DAW1: variants seen among roughly 807,000 people sequenced by gnomAD.
The protein encoded by DAW1 is dynein assembly factor with WD repeat domains 1.
DAW1 carries 47 observed loss-of-function variants against 56.5 expected under a neutral mutation model. The ratio of observed to expected loss-of-function variants is 0.83; its 90% confidence interval spans 0.66 to 1.06. DAW1 has a LOEUF of 1.06. DAW1 is among the 50% of genes least tolerant of loss of function. The pLI, the probability that DAW1 is intolerant of heterozygous loss-of-function variation, is 0.00. For synonymous variants in DAW1, 190 were observed against 179.0 expected (o/e 1.06, Z -0.49); for missense variants, 505 against 499.3 (o/e 1.01, Z -0.11).
At chr2:227,917,538 G>A (rs551554385) in intron 10 of DAW1, among the ~76,000 whole-genome samples, 1 of 151,856 alleles carries the variant, frequency 6.6e-6, no homozygotes, top group South Asian at 2.1e-4. Flanking sequence ...GGGATTACAG[G>A]CATGAGCCAC....
chr2:227,898,706 T>C lies in DAW1; in HGVS notation c.540+425T>C, dbSNP rs1300370518. Among the ~76,000 whole-genome samples the C allele has an allele frequency of 2.6e-5, 4 of 152,296 alleles. No individual in the cohort carries two copies. The East Asian group carries it at 7.7e-4, about 29-fold the overall frequency. On this transcript the variant is annotated intron_variant, in intron 6 of 12. Transcript: ENST00000309931. ...ACTTTTATAATTAATTTTCAAATTC[T>C]ACCCCATGTTTTTAGTCTGCCTATA...
chr2:227,915,883 A>T (rs1219233346), intron 10 of DAW1, among the ~76,000 whole-genome samples: 3 of 152,122 alleles, frequency 2.0e-5, no homozygotes, highest in African/African-American at 7.2e-5. Flanking sequence ...TGTCCTTGAA[A>T]ATTCCTTATG....
At chr2:227,909,542 C>G (rs1691769955) in intron 10 of DAW1, among the ~76,000 whole-genome samples, 1 of 151,826 alleles carries the variant, frequency 6.6e-6, no homozygotes, top group Admixed American at 6.6e-5. Context: ...TTGCCATATG[C>G]CATCTGCAAG....
chr2:227,884,506 CA>C (rs1288597224), intron 1 of DAW1, among the ~76,000 whole-genome samples: 4 of 152,180 alleles, frequency 2.6e-5, no homozygotes, highest in Non-Finnish European at 5.9e-5. Context: ...GCGTTGGTTA[CA>C]ATGGTGTCTG....
intron 11 of DAW1, among the ~76,000 whole-genome samples, chr2:227,920,651 A>T (rs1480124617): frequency 6.6e-6 from 1 of 152,046 alleles, no homozygotes; most frequent in Non-Finnish European, 1.5e-5. Context: ...TGTGCTTTTT[A>T]AAAAATTTTT....
At chr2:227,921,820 C>T (rs1245941332) in intron 12 of DAW1, among the ~76,000 whole-genome samples, 1 of 152,166 alleles carries the variant, frequency 6.6e-6, no homozygotes, top group Non-Finnish European at 1.5e-5. Context: ...ATTTGATAGC[C>T]TGCCTTACAG....
intron 2 of DAW1, among the ~76,000 whole-genome samples, chr2:227,889,209 GT>G (rs1226622569): frequency 6.6e-6 from 1 of 152,146 alleles, no homozygotes; most frequent in African/African-American, 2.4e-5. Context: ...GCCTTCCTAG[GT>G]GTCTTCATTC....
chr2:227,882,438 A>G (rs1323886613), intron 1 of DAW1, among the ~76,000 whole-genome samples: 1 of 152,214 alleles, frequency 6.6e-6, no homozygotes, highest in Non-Finnish European at 1.5e-5. Flanking sequence ...CAATAGGAAA[A>G]CATCAAAAAA....
chr2:227,911,315 T>C (rs985728618), intron 10 of DAW1, among the ~76,000 whole-genome samples: 12 of 146,706 alleles, frequency 8.2e-5, no homozygotes, highest in African/African-American at 2.8e-4. Context: ...TGTATAAGCA[T>C]ATATACATAT....
At chr2:227,897,570 G>C (rs1691441356) in intron 5 of DAW1, among the ~76,000 whole-genome samples, 1 of 152,136 alleles carries the variant, frequency 6.6e-6, no homozygotes, top group Non-Finnish European at 1.5e-5. Flanking sequence ...GGCCAAACAG[G>C]GTAATCTACT....
intron 1 of DAW1, among the ~76,000 whole-genome samples, chr2:227,873,685 GTAAT>G (rs1431905296): frequency 2.6e-5 from 4 of 152,046 alleles, no homozygotes; most frequent in South Asian, 2.1e-4. Context: ...TTTATTTTAT[GTAAT>G]TAATTAATTA....
intron 1 of DAW1, among the ~76,000 whole-genome samples, chr2:227,877,350 A>G (rs1463092665): frequency 6.6e-6 from 1 of 152,192 alleles, no homozygotes; most frequent in Non-Finnish European, 1.5e-5. Context: ...ATGTGGTTTT[A>G]CCATGTTGGC....
intron 4 of DAW1, 127 bp downstream of exon 4, chr2:227,891,440 T>C: frequency 1.3e-6 from 1 of 749,482 alleles, no homozygotes; most frequent in Admixed American, 2.7e-5. Flanking sequence ...CCTTGGATAC[T>C]GAGGAGAAAT....
chr2:227,904,405 C>A (rs1251809250), intron 7 of DAW1, among the ~76,000 whole-genome samples: 3 of 152,164 alleles, frequency 2.0e-5, no homozygotes, highest in African/African-American at 4.8e-5. Flanking sequence ...GATTCACTAA[C>A]ACTAGACAGT....
intron 10 of DAW1, among the ~76,000 whole-genome samples, chr2:227,914,853 CATG>C (rs1691914474): frequency 6.6e-6 from 1 of 152,086 alleles, no homozygotes; most frequent in Non-Finnish European, 1.5e-5. Flanking sequence ...CTTTTAATCA[CATG>C]ATATGTTTAC....
intron 4 of DAW1, among the ~76,000 whole-genome samples, chr2:227,892,741 C>A (rs774455865): frequency 6.6e-6 from 1 of 152,126 alleles, no homozygotes; most frequent in African/African-American, 2.4e-5. Flanking sequence ...TTTCTTGTTA[C>A]CACTTGACAT....
chr2:227,919,293 G>GT (rs529342584), intron 11 of DAW1, among the ~76,000 whole-genome samples: 8 of 150,194 alleles, frequency 5.3e-5, no homozygotes, highest in South Asian at 4.2e-4. Context: ...ATTGTCTCAT[G>GT]TTTTTTTCTA....
intron 1 of DAW1, among the ~76,000 whole-genome samples, chr2:227,881,816 A>G (rs12475401): frequency 0.42 from 59,939 of 141,174 alleles, 13,496 homozygotes; most frequent in Admixed American, 0.58. Flanking sequence ...GCAGTGGTGC[A>G]ATCTTGTCTC....
At chr2:227,915,518 T>C (rs1168412804) in intron 10 of DAW1, among the ~76,000 whole-genome samples, 1 of 152,108 alleles carries the variant, frequency 6.6e-6, no homozygotes, top group Non-Finnish European at 1.5e-5. Context: ...ATTAATACTA[T>C]AACTATGTCT....
Sources: allele counts gnomAD v4.1 joint callset (sites outside exome capture counted in the v4.1 genomes callset), GRCh38; gene constraint gnomAD v4.1.1; transcripts MANE v1.5; gene names NCBI Gene and HGNC (gene_info 2026-07-23, HGNC 2026-07-21).